The following KLHL14 variants were observed in gnomAD, a reference collection of about 807,000 sequenced individuals.
KLHL14 encodes the protein kelch-like protein 14.
Under a neutral mutation model 64.3 loss-of-function variants are expected in KLHL14, and 22 were observed. The ratio of observed to expected loss-of-function variants is 0.34; its 90% CI spans 0.24 to 0.49. The LOEUF (loss-of-function observed/expected upper bound fraction) is 0.49, where lower values mean the gene tolerates loss of function less well. Ranked by LOEUF, KLHL14 falls within the 20% of genes least tolerant of loss-of-function variation. The probability of loss-of-function intolerance (pLI) is 0.99; values close to 1 mark genes in which losing one functional copy is unlikely to be tolerated. For missense variants in KLHL14, 661 were observed against 789.0 expected (o/e 0.84, Z 1.94); for synonymous variants, 322 against 333.4 (o/e 0.97, Z 0.37).
At chr18:32,726,932 T>C (rs747183070) in intron 3 of KLHL14, among the ~76,000 whole-genome samples, 7 of 152,178 alleles carry the variant, frequency 4.6e-5, no homozygotes, top group Non-Finnish European at 1.0e-4. Context: ...GGATTTGCAT[T>C]GTTCCATCCT....
intron 2 of KLHL14, among the ~76,000 whole-genome samples, chr18:32,768,377 G>C (rs2050357762): frequency 7.1e-6 from 1 of 140,802 alleles, no homozygotes; most frequent in Non-Finnish European, 1.5e-5. Context: ...CCTAGGTCTG[G>C]TGGAAACATA....
chr18:32,728,999 A>G (rs1299741023), intron 3 of KLHL14, among the ~76,000 whole-genome samples: 1 of 152,196 alleles, frequency 6.6e-6, no homozygotes, highest in Non-Finnish European at 1.5e-5. Context: ...GAGAGAATGA[A>G]TTTCCATTGT....
rs1171789479 is a variant in KLHL14, at chr18:32,770,412, C to T, written c.180G>A (p.Ser60=). ...CGAGAGGGGGGTGGCTGGAGAAGAG[C>T]GATCGGAAGTACTGCGAGCAGGAGG... ...VLASCSQYFR[S]LFSSHPPLGG... is the part of the protein sequence containing the mutation. The change falls in exon 2 of 9, where the codon TCG becomes TCA. Residue 60 remains serine, a synonymous_variant. Transcript: ENST00000359358. This position sits in a 1 kb window ranked among gnomAD's most constrained non-coding sequence, Gnocchi z 6.7. 1 of 1,602,976 alleles carries T rather than the reference C, an allele frequency of 6.2e-7. No individual in the cohort carries two copies. The highest frequency in any genetic ancestry group is 8.5e-7 in the Non-Finnish European group (1 of 1,173,868).
intron 3 of KLHL14, among the ~76,000 whole-genome samples, chr18:32,720,994 G>A (rs758661146): frequency 4.6e-5 from 7 of 152,090 alleles, no homozygotes; most frequent in African/African-American, 7.3e-5. Context: ...TCCTCTTCAC[G>A]TTGGTTTCAT....
chr18:32,727,390 G>T (rs1391589707), intron 3 of KLHL14, among the ~76,000 whole-genome samples: 3 of 152,158 alleles, frequency 2.0e-5, no homozygotes, highest in African/African-American at 7.2e-5. Context: ...GCTGAGATTA[G>T]CAAATGAACT....
intron 3 of KLHL14, among the ~76,000 whole-genome samples, chr18:32,730,470 T>C (rs2050131928): frequency 6.6e-6 from 1 of 152,238 alleles, no homozygotes; most frequent in Non-Finnish European, 1.5e-5. Context: ...CTGTGATTTT[T>C]TCCCCTTTCA....
Position 32,705,237 on chromosome 18 carries a change from A to G in KLHL14, c.1070-9685T>C, listed in dbSNP as rs74942777. On this transcript the variant is annotated intron_variant, in intron 3 of 8. Transcript: ENST00000359358. ...TCACTGTAGCATGACTACAGTTAACAATAACATATTACATAGCTTCAAATA... is the reference window on the plus strand; with the variant it reads ...TCACTGTAGCATGACTACAGTTAACGATAACATATTACATAGCTTCAAATA... Among the ~76,000 whole-genome samples, 6 of 152,378 alleles carry G rather than the reference A, an allele frequency of 3.9e-5. No individual in the cohort carries two copies. The East Asian group carries it at 1.2e-3, about 29-fold the overall frequency.
intron 3 of KLHL14, among the ~76,000 whole-genome samples, chr18:32,725,396 C>T (rs1205739252): frequency 6.6e-6 from 1 of 152,148 alleles, no homozygotes; most frequent in Non-Finnish European, 1.5e-5. Flanking sequence ...TTTTATGTAA[C>T]AGATATTTGC....
intron 3 of KLHL14, among the ~76,000 whole-genome samples, chr18:32,736,873 G>A (rs2050168997): frequency 6.6e-6 from 1 of 151,812 alleles, no homozygotes; most frequent in Admixed American, 6.6e-5. Flanking sequence ...AACTTTAGGG[G>A]CTCATTTTTG....
intron 3 of KLHL14, among the ~76,000 whole-genome samples, chr18:32,701,965 C>T (rs2049968243): frequency 1.3e-5 from 2 of 152,100 alleles, no homozygotes; most frequent in African/African-American, 4.8e-5. Flanking sequence ...TGTATCTTTG[C>T]CAGTATGGTG....
At chr18:32,747,135 TA>T (rs2050227587) in intron 2 of KLHL14, among the ~76,000 whole-genome samples, 1 of 152,202 alleles carries the variant, frequency 6.6e-6, no homozygotes, top group Non-Finnish European at 1.5e-5. Flanking sequence ...ACAGTTGTGT[TA>T]GATATATTTT....
chr18:32,734,667 G>A (rs993024517), intron 3 of KLHL14, among the ~76,000 whole-genome samples: 3 of 152,174 alleles, frequency 2.0e-5, no homozygotes, highest in African/African-American at 4.8e-5. Flanking sequence ...GAATAAAAAT[G>A]TATTGAGGAA....
intron 3 of KLHL14, 135 bp downstream of exon 3, chr18:32,741,793 A>T: frequency 9.4e-7 from 1 of 1,064,690 alleles, no homozygotes. Flanking sequence ...ATCCCCGGTG[A>T]TACATAAACA....
intron 3 of KLHL14, among the ~76,000 whole-genome samples, chr18:32,726,113 C>T (rs1167858605): frequency 6.6e-6 from 1 of 152,216 alleles, no homozygotes; most frequent in Non-Finnish European, 1.5e-5. Context: ...GCCTGTTGGC[C>T]AAATCCAGCC....
chr18:32,771,512 C>T (rs1302373471), intron 1 of KLHL14, among the ~76,000 whole-genome samples: 1 of 152,184 alleles, frequency 6.6e-6, no homozygotes, highest in Non-Finnish European at 1.5e-5. Context: ...CCACCACCGC[C>T]ACCCCCACCC....
intron 3 of KLHL14, chr18:32,738,440 A>C (rs1419146434): frequency 1.3e-5 from 2 of 152,188 alleles, no homozygotes; most frequent in Admixed American, 1.3e-4. Flanking sequence ...AATAAAGATG[A>C]ACAAAAGTGC....
intron 3 of KLHL14, among the ~76,000 whole-genome samples, chr18:32,721,056 G>A (rs9955063): frequency 0.25 from 37,839 of 152,116 alleles, 4,873 homozygotes; most frequent in Middle Eastern, 0.32. Flanking sequence ...TGATGAAAGC[G>A]CAATTGCCAA....
chr18:32,730,351 T>C (rs1435949836), intron 3 of KLHL14, among the ~76,000 whole-genome samples: 3 of 152,204 alleles, frequency 2.0e-5, no homozygotes, highest in African/African-American at 7.2e-5. Flanking sequence ...TAAATTGCTA[T>C]GAAAATACCA....
chr18:32,675,951 ATAT>A (rs1381699355), intron 8 of KLHL14, among the ~76,000 whole-genome samples: 1 of 152,142 alleles, frequency 6.6e-6, no homozygotes, highest in Non-Finnish European at 1.5e-5. Context: ...AAACCAAATA[ATAT>A]TATTAAAACC....
Sources: allele counts gnomAD v4.1 joint callset (sites outside exome capture counted in the v4.1 genomes callset), GRCh38; gene constraint gnomAD v4.1.1; non-coding constraint Gnocchi (gnomAD v3.1); transcripts MANE v1.5; gene names NCBI Gene and HGNC (gene_info 2026-07-23, HGNC 2026-07-21).